PTPRS: variants seen among roughly 807,000 people sequenced by gnomAD.
The protein encoded by PTPRS is protein tyrosine phosphatase receptor type S.
In PTPRS, 63 loss-of-function variants were observed where a neutral mutation model predicts 215.3. The observed-to-expected ratio is 0.29, with a 90% confidence interval of 0.24 to 0.36. PTPRS has a LOEUF of 0.36. PTPRS is among the 10% of genes least tolerant of loss of function. The pLI is 1.00. For missense variants in PTPRS, 2,258 were observed against 2,825.8 expected (o/e 0.80, Z 4.56); for synonymous variants, 1,404 against 1,191.4 (o/e 1.18, Z -3.68).
intron 23 of PTPRS, chr19:5,219,006 G>A: frequency 3.1e-6 from 2 of 635,822 alleles, no homozygotes; most frequent in Non-Finnish European, 5.4e-6. Context: ...CCTGGGATGT[G>A]CCCCATGGGG....
At chr19:5,286,491 T>C (rs142467670) in intron 1 of PTPRS, 2 of 307,392 alleles carry the variant, frequency 6.5e-6, no homozygotes, top group East Asian at 6.2e-5. Context: ...ATGGAGTGTT[T>C]GGGAAGTGAC....
intron 1 of PTPRS, among the ~76,000 whole-genome samples, chr19:5,336,032 G>C (rs975793814): frequency 1.3e-5 from 2 of 151,348 alleles, no homozygotes; most frequent in African/African-American, 4.9e-5. Flanking sequence ...AAAAAAAAGA[G>C]AGAGACAAAA....
At chr19:5,276,573 C>T (rs1378269662) in intron 2 of PTPRS, among the ~76,000 whole-genome samples, 1 of 149,326 alleles carries the variant, frequency 6.7e-6, no homozygotes, top group Non-Finnish European at 1.5e-5. Flanking sequence ...CAGAATCTCA[C>T]TCTGTTGCCC....
At chr19:5,220,384 C>T in intron 20 of PTPRS, 31 bp from the exon 21 acceptor site, 1 of 1,572,184 alleles carries the variant, frequency 6.4e-7, no homozygotes, top group Non-Finnish European at 8.7e-7. Context: ...GTCAGAGGGG[C>T]TGTCGATAGG....
intron 1 of PTPRS, among the ~76,000 whole-genome samples, chr19:5,334,044 G>C (rs2050413861): frequency 6.6e-6 from 1 of 151,800 alleles, no homozygotes; most frequent in Non-Finnish European, 1.5e-5. Flanking sequence ...AGTCCCTGGA[G>C]TGCCTGGAGC....
intron 1 of PTPRS, among the ~76,000 whole-genome samples, chr19:5,298,143 C>T (rs1190320250): frequency 2.0e-5 from 3 of 152,150 alleles, no homozygotes; most frequent in Non-Finnish European, 2.9e-5. Flanking sequence ...TTCTTTCGTT[C>T]GATGGGGATC....
chr19:5,335,413 C>T (rs937692949), intron 1 of PTPRS, among the ~76,000 whole-genome samples: 2 of 152,176 alleles, frequency 1.3e-5, no homozygotes, highest in Non-Finnish European at 2.9e-5. Flanking sequence ...CAAGTCAGGG[C>T]TCTGACCTGG....
chr19:5,286,604 T>C (rs752413775), intron 1 of PTPRS, among the ~76,000 whole-genome samples: 3 of 152,150 alleles, frequency 2.0e-5, no homozygotes, highest in Non-Finnish European at 4.4e-5. Flanking sequence ...AGGGAGAAGA[T>C]GCCTTCCACG....
intron 13 of PTPRS, among the ~76,000 whole-genome samples, chr19:5,231,940 T>A (rs1290084017): frequency 6.6e-6 from 1 of 152,150 alleles, no homozygotes; most frequent in African/African-American, 2.4e-5. Flanking sequence ...GGTGGGGGAA[T>A]AGCAAGGGAA....
chr19:5,236,180 A>G (rs897628354), intron 13 of PTPRS, among the ~76,000 whole-genome samples: 2 of 152,194 alleles, frequency 1.3e-5, no homozygotes, highest in African/African-American at 4.8e-5. Context: ...CTGTGGCCAG[A>G]CCCCACCCTG....
intron 16 of PTPRS, among the ~76,000 whole-genome samples, chr19:5,226,947 G>A (rs535379578): frequency 6.6e-5 from 10 of 152,028 alleles, no homozygotes; most frequent in African/African-American, 1.9e-4. Flanking sequence ...GCACCTCCCC[G>A]GTAGCTTGAA....
chr19:5,307,365 GA>G (rs1300001968), intron 1 of PTPRS, among the ~76,000 whole-genome samples: 3 of 151,960 alleles, frequency 2.0e-5, no homozygotes, highest in Non-Finnish European at 2.9e-5. Context: ...AACAGTACAA[GA>G]GGTCAAATAA....
intron 2 of PTPRS, among the ~76,000 whole-genome samples, chr19:5,279,321 C>T (rs1343909240): frequency 6.6e-6 from 1 of 151,924 alleles, no homozygotes; most frequent in African/African-American, 2.4e-5. Flanking sequence ...GAACTAAAGA[C>T]AAATTGAAGA....
At chr19:5,322,034 A>C (rs766816251) in intron 1 of PTPRS, among the ~76,000 whole-genome samples, 1 of 152,228 alleles carries the variant, frequency 6.6e-6, no homozygotes, top group Non-Finnish European at 1.5e-5. Flanking sequence ...CATTTGGGTA[A>C]ACTGAGGCTC....
intron 1 of PTPRS, among the ~76,000 whole-genome samples, chr19:5,308,225 G>A (rs1471459487): frequency 4.6e-5 from 7 of 152,150 alleles, no homozygotes; most frequent in East Asian, 1.9e-4. Flanking sequence ...GGTTCCCCTC[G>A]ACGCTGCCAC....
intron 25 of PTPRS, among the ~76,000 whole-genome samples, chr19:5,217,682 T>C (rs2041607510): frequency 6.6e-6 from 1 of 152,200 alleles, no homozygotes; most frequent in African/African-American, 2.4e-5. Context: ...AGTTCAGAGA[T>C]ACGAAGTGGA....
At chr19:5,282,963 G>A (rs903392951) in intron 2 of PTPRS, among the ~76,000 whole-genome samples, 1 of 152,192 alleles carries the variant, frequency 6.6e-6, no homozygotes. Context: ...GGATGTCCCT[G>A]TCTCTTAGAT....
rs529598875 is a variant in PTPRS at position 5,272,292 on chromosome 19, C to T, written c.379+1150G>A. Among the ~76,000 whole-genome samples the T allele has an allele frequency of 1.8e-3, 267 of 152,122 alleles. 1 individual carries two copies. Among genetic ancestry groups the T allele is most frequent in the African/African-American group, 6.1e-3 (253 of 41,520 alleles). ...CAGACAGCCCCCTATAAACCCCTTGCGACTTGTTCAAGAAATGCATTTAGG... is the reference window on the plus strand; with the variant it reads ...CAGACAGCCCCCTATAAACCCCTTGTGACTTGTTCAAGAAATGCATTTAGG... On this transcript the variant is annotated intron_variant, in intron 4 of 37. Transcript: ENST00000262963.
chr19:5,307,821 G>C (rs1030468941), intron 1 of PTPRS, among the ~76,000 whole-genome samples: 3 of 152,146 alleles, frequency 2.0e-5, no homozygotes, highest in African/African-American at 7.2e-5. Context: ...TCGCCATATC[G>C]GGGGCCAAAT....
Sources: gnomAD v4.1 joint callset for allele counts (sites outside exome capture counted in the v4.1 genomes callset) on GRCh38, gnomAD v4.1.1 for gene constraint, MANE v1.5 for transcripts, NCBI Gene and HGNC (gene_info 2026-07-23, HGNC 2026-07-21) for gene names.